GALNT13: variants seen among roughly 807,000 people sequenced by gnomAD.
GALNT13 encodes UDP-GalNAc:polypeptide N-acetylgalactosaminyltransferase 13.
Under a neutral mutation model 64.2 loss-of-function variants are expected in GALNT13, and 28 were observed. The observed-to-expected ratio is 0.44, with a 90% CI of 0.32 to 0.60. The LOEUF (loss-of-function observed/expected upper bound fraction) is 0.60. GALNT13 is among the 20% of genes least tolerant of loss of function. The pLI is 0.05. For synonymous variants in GALNT13, 214 were observed against 224.6 expected (o/e 0.95, Z 0.42); for missense variants, 577 against 669.8 (o/e 0.86, Z 1.53).
At chr2:153,095,198 A>G in the GALNT13 span, among the ~76,000 whole-genome samples, 3 of 152,228 alleles carry the variant, frequency 2.0e-5, no homozygotes, top group Admixed American at 6.5e-5. Context: ...ACAAGAAAAA[A>G]TCAAACAACC....
the GALNT13 span, among the ~76,000 whole-genome samples, chr2:153,253,993 A>G: frequency 6.6e-6 from 1 of 152,224 alleles, no homozygotes; most frequent in African/African-American, 2.4e-5. Context: ...AAAATGAGTT[A>G]GGACAGATTC....
chr2:154,204,576 A>G (rs1687340248), intron 4 of GALNT13, among the ~76,000 whole-genome samples: 1 of 152,210 alleles, frequency 6.6e-6, no homozygotes, highest in African/African-American at 2.4e-5. Context: ...CATCTTCCAC[A>G]GAGTTGCCAA....
intron 7 of GALNT13, among the ~76,000 whole-genome samples, chr2:154,247,523 A>G (rs751693693): frequency 1.3e-5 from 2 of 152,080 alleles, no homozygotes; most frequent in South Asian, 2.1e-4. Context: ...GGCAAAAAAC[A>G]TGCTTTATTT....
chr2:153,944,052 A>C (rs1407028079), intron 2 of GALNT13, among the ~76,000 whole-genome samples: 1 of 152,206 alleles, frequency 6.6e-6, no homozygotes, highest in Non-Finnish European at 1.5e-5. Context: ...GCTAGTCAGA[A>C]GTACTGAATT....
the GALNT13 span, among the ~76,000 whole-genome samples, chr2:153,650,977 G>C: frequency 6.6e-6 from 1 of 152,112 alleles, no homozygotes; most frequent in Non-Finnish European, 1.5e-5. Flanking sequence ...ATTGCTGTGA[G>C]AGAACAAAAT....
intron 3 of GALNT13, among the ~76,000 whole-genome samples, chr2:154,077,916 A>G (rs915993619): frequency 1.3e-5 from 2 of 151,520 alleles, no homozygotes; most frequent in African/African-American, 4.8e-5. Context: ...TTGAATGAAA[A>G]TAGCAGTCTG....
chr2:153,633,217 CA>C, the GALNT13 span, among the ~76,000 whole-genome samples: 16 of 152,030 alleles, frequency 1.1e-4, no homozygotes, highest in East Asian at 1.9e-3. Context: ...CCAACATATA[CA>C]AAATAGAAAA....
intron 7 of GALNT13, among the ~76,000 whole-genome samples, chr2:154,253,136 G>A (rs994413657): frequency 3.3e-5 from 5 of 151,980 alleles, no homozygotes; most frequent in African/African-American, 7.3e-5. Flanking sequence ...ACATTTTATA[G>A]GTGATGAAAC....
chr2:154,107,069 T>C lies in GALNT13; in HGVS notation c.143-33268T>C, dbSNP rs144994690. 1.9e-3 allele frequency among the ~76,000 whole-genome samples: 284 copies of C among 152,252 alleles called. 2 individuals are homozygous for C. Among genetic ancestry groups the C allele is most frequent in the African/African-American group, 6.8e-3 (281 of 41,556 alleles). On this transcript the variant is annotated intron_variant, in intron 3 of 12. Coordinates refer to ENST00000392825, the MANE Select transcript of GALNT13 (RefSeq NM_052917.4). ...CCATCTTTTGATTCTTCTCTTACCA[T>C]GTGACCTTTGCACATGTCTACTCCC...
At chr2:154,239,014 A>T (rs1167702305) in intron 4 of GALNT13, among the ~76,000 whole-genome samples, 1 of 152,118 alleles carries the variant, frequency 6.6e-6, no homozygotes, top group Non-Finnish European at 1.5e-5. Flanking sequence ...AAGAGGAAGA[A>T]TTAATTAAAA....
chr2:154,420,309 A>G (rs1255294552), intron 11 of GALNT13, among the ~76,000 whole-genome samples: 1 of 152,130 alleles, frequency 6.6e-6, no homozygotes, highest in African/African-American at 2.4e-5. Flanking sequence ...CTCCTGTTAT[A>G]TACAGATGGA....
chr2:153,737,550 CCTTA>C, the GALNT13 span, among the ~76,000 whole-genome samples: 1 of 151,922 alleles, frequency 6.6e-6, no homozygotes, highest in Non-Finnish European at 1.5e-5. Flanking sequence ...TTTTCTTCTT[CCTTA>C]CTTATGTTTA....
At chr2:153,210,228 A>G in the GALNT13 span, among the ~76,000 whole-genome samples, 6 of 152,148 alleles carry the variant, frequency 3.9e-5, no homozygotes, top group African/African-American at 1.4e-4. Flanking sequence ...TAGAAGTAGT[A>G]AGAGAGGACC....
chr2:154,316,474 A>G (rs2105146575), intron 9 of GALNT13, among the ~76,000 whole-genome samples: 1 of 152,314 alleles, frequency 6.6e-6, no homozygotes, highest in East Asian at 1.9e-4. Context: ...CAATTTTTCA[A>G]AGTGAACACA....
chr2:153,660,207 G>A, the GALNT13 span, among the ~76,000 whole-genome samples: 683 of 152,196 alleles, frequency 4.5e-3, 4 homozygotes, highest in Non-Finnish European at 7.6e-3. Flanking sequence ...AACTTCTCTT[G>A]GAGGAAATGA....
chr2:154,156,554 C>A (rs1040670353), intron 4 of GALNT13, among the ~76,000 whole-genome samples: 2 of 151,854 alleles, frequency 1.3e-5, no homozygotes, highest in African/African-American at 2.4e-5. Context: ...CAATCAAAGC[C>A]CAGTGAAGTA....
chr2:153,808,301 A>G, the GALNT13 span, among the ~76,000 whole-genome samples: 2 of 152,092 alleles, frequency 1.3e-5, no homozygotes, highest in African/African-American at 4.8e-5. Flanking sequence ...GACATTTTCA[A>G]CTGGTGCCTG....
the GALNT13 span, among the ~76,000 whole-genome samples, chr2:153,303,533 C>A: frequency 1.1e-4 from 16 of 152,110 alleles, no homozygotes; most frequent in South Asian, 2.1e-4. Context: ...ATTTAGATAC[C>A]TTTTGTTTCT....
intron 2 of GALNT13, among the ~76,000 whole-genome samples, chr2:153,909,227 A>T (rs1489085281): frequency 6.6e-6 from 1 of 151,780 alleles, no homozygotes; most frequent in African/African-American, 2.4e-5. Context: ...TTTTAATGTG[A>T]TTTTTGTACA....
Sources: gnomAD v4.1 joint callset for allele counts (sites outside exome capture counted in the v4.1 genomes callset) on GRCh38, gnomAD v4.1.1 for gene constraint, MANE v1.5 for transcripts, NCBI Gene and HGNC (gene_info 2026-07-23, HGNC 2026-07-21) for gene names.